The following RSU1 variants were observed in gnomAD, a reference collection of about 807,000 sequenced individuals.
RSU1 encodes rsu-1.
RSU1 carries 26 observed loss-of-function variants against 31.1 expected under a neutral mutation model. The observed-to-expected ratio is 0.84, with a 90% confidence interval of 0.61 to 1.16. The LOEUF is 1.16. RSU1 is among the 50% of genes most tolerant of loss of function. RSU1 has a pLI of 0.00. For synonymous variants in RSU1, 164 were observed against 136.3 expected, an observed-to-expected ratio of 1.20 and a Z score of -1.41; for missense variants, 320 against 339.1, an observed-to-expected ratio of 0.94 and a Z score of 0.44.
At chr10:16,597,351 G>C (rs1390545236) in intron 8 of RSU1, among the ~76,000 whole-genome samples, 1 of 152,158 alleles carries the variant, frequency 6.6e-6, no homozygotes, top group Non-Finnish European at 1.5e-5. Context: ...TTTATATTCA[G>C]ATCCCACTGT....
At chr10:16,728,774 A>G (rs1665822112) in intron 7 of RSU1, among the ~76,000 whole-genome samples, 1 of 152,200 alleles carries the variant, frequency 6.6e-6, no homozygotes, top group South Asian at 2.1e-4. Context: ...GGAGAATGCA[A>G]TGTGATGACG....
At chr10:16,788,760 C>T (rs1313085102) in intron 2 of RSU1, among the ~76,000 whole-genome samples, 2 of 152,214 alleles carry the variant, frequency 1.3e-5, no homozygotes, top group Admixed American at 6.5e-5. Context: ...TCCTTCAGGA[C>T]ACTTCCAAGA....
Position 16,645,915 on chromosome 10 carries a change from T to C in RSU1, c.731+49108A>G, listed in dbSNP as rs372694752. Among the ~76,000 whole-genome samples the C allele has an allele frequency of 8.7e-5, 3 of 34,626 alleles. 1 individual carries two copies. The South Asian group carries it at 3.4e-3, about 39-fold the overall frequency. The allele number at this position is 34,626 out of a possible 152,430, so 22.7% of individuals were successfully genotyped here. Reference sequence around the variant, plus strand: ...ATATGTATATACACATATATGTATATATATGTGTATATACACATATGTGTA... The same window carrying C: ...ATATGTATATACACATATATGTATACATATGTGTATATACACATATGTGTA... On this transcript the variant is annotated intron_variant, in intron 8 of 8. Coordinates refer to ENST00000345264, the MANE Select transcript of RSU1 (RefSeq NM_012425.4).
intron 8 of RSU1, among the ~76,000 whole-genome samples, chr10:16,660,194 T>TAC (rs1834862097): frequency 6.6e-6 from 1 of 152,190 alleles, no homozygotes; most frequent in Non-Finnish European, 1.5e-5. Flanking sequence ...TACAGACCAT[T>TAC]TTAAAAGGCT....
intron 8 of RSU1, among the ~76,000 whole-genome samples, chr10:16,659,277 C>A (rs1031325623): frequency 6.7e-6 from 1 of 149,568 alleles, no homozygotes; most frequent in Admixed American, 6.6e-5. Context: ...GGTAAGAAAC[C>A]CTTCTCTACT....
At chr10:16,668,595 A>G (rs556379765) in intron 8 of RSU1, among the ~76,000 whole-genome samples, 1 of 152,284 alleles carries the variant, frequency 6.6e-6, no homozygotes, top group African/African-American at 2.4e-5. Flanking sequence ...GATTTAATTG[A>G]ACATGGTTTT....
intron 4 of RSU1, among the ~76,000 whole-genome samples, chr10:16,758,438 A>G (rs1043278391): frequency 3.9e-5 from 6 of 152,206 alleles, no homozygotes; most frequent in African/African-American, 1.4e-4. Flanking sequence ...TGACACTGCT[A>G]GCAATCAAGG....
intron 8 of RSU1, among the ~76,000 whole-genome samples, chr10:16,670,467 G>A (rs552052344): frequency 6.6e-6 from 1 of 152,272 alleles, no homozygotes; most frequent in South Asian, 2.1e-4. Flanking sequence ...AGAATATTCT[G>A]TTGCTGCAGT....
intron 8 of RSU1, among the ~76,000 whole-genome samples, chr10:16,634,089 C>A (rs114528798): frequency 6.6e-6 from 1 of 152,166 alleles, no homozygotes; most frequent in Non-Finnish European, 1.5e-5. Context: ...CAGTCTTTGG[C>A]GAAGTACACC....
chr10:16,631,187 T>C (rs1174555320), intron 8 of RSU1, among the ~76,000 whole-genome samples: 1 of 152,172 alleles, frequency 6.6e-6, no homozygotes, highest in African/African-American at 2.4e-5. Flanking sequence ...CAGAGAAAAC[T>C]GTCACGTTCC....
chr10:16,622,782 C>T (rs1353355361), intron 8 of RSU1, among the ~76,000 whole-genome samples: 2 of 152,186 alleles, frequency 1.3e-5, no homozygotes, highest in Non-Finnish European at 2.9e-5. Flanking sequence ...AAAATAAATG[C>T]TACTCATGAA....
At chr10:16,593,878 C>T (rs45491101) in intron 8 of RSU1, among the ~76,000 whole-genome samples, 5,995 of 152,222 alleles carry the variant, frequency 0.039, 176 homozygotes, top group Non-Finnish European at 0.058. Flanking sequence ...ATGCTTGGCC[C>T]GAAAGCCCAG....
At chr10:16,710,831 G>T (rs930214853) in intron 7 of RSU1, among the ~76,000 whole-genome samples, 1 of 151,904 alleles carries the variant, frequency 6.6e-6, no homozygotes, top group African/African-American at 2.4e-5. Flanking sequence ...CCTACCCGCC[G>T]ACAGGTCCCA....
intron 8 of RSU1, among the ~76,000 whole-genome samples, chr10:16,630,230 AT>A (rs1834226136): frequency 6.6e-6 from 1 of 152,142 alleles, no homozygotes; most frequent in Non-Finnish European, 1.5e-5. Context: ...TTTATTAAAG[AT>A]TACTCTAGAA....
At chr10:16,721,523 C>T (rs1836261954) in intron 7 of RSU1, 1 of 152,242 alleles carries the variant, frequency 6.6e-6, no homozygotes, top group Non-Finnish European at 1.5e-5. Context: ...CAAACACAGG[C>T]TTCCTGGCAT....
intron 3 of RSU1, among the ~76,000 whole-genome samples, chr10:16,778,018 CTTTTT>C (rs10685188): frequency 2.5e-5 from 3 of 117,652 alleles, no homozygotes; most frequent in East Asian, 2.7e-4. Context: ...GGTCATATAC[CTTTTT>C]TTTTTTTTTT....
At chr10:16,718,532 C>T (rs1035183759) in intron 7 of RSU1, among the ~76,000 whole-genome samples, 3 of 152,154 alleles carry the variant, frequency 2.0e-5, no homozygotes, top group African/African-American at 7.2e-5. Context: ...GTCCTCTAAT[C>T]TAATGGAGAG....
intron 8 of RSU1, among the ~76,000 whole-genome samples, chr10:16,685,177 G>C (rs562354068): frequency 1.3e-5 from 2 of 152,302 alleles, no homozygotes; most frequent in East Asian, 3.9e-4. Flanking sequence ...TTGAACCTGG[G>C]AGGCAAAGGT....
At position 16,709,746 on chromosome 10, in the gene RSU1, G is replaced by A. The variant is rs530764885; in HGVS notation, c.599-14591C>T. 4.1e-4 allele frequency among the ~76,000 whole-genome samples: 62 copies of A among 152,286 alleles called. No individual in the cohort carries two copies. The East Asian group carries it at 0.011, about 27-fold the overall frequency. Reference sequence around the variant, plus strand: ...TTGATTTGCATTTCTCTGATGGCCAGTGATGATGAGCATTTTTTCATGTGT... The same window carrying A: ...TTGATTTGCATTTCTCTGATGGCCAATGATGATGAGCATTTTTTCATGTGT... On this transcript the variant is annotated intron_variant, in intron 7 of 8. Coordinates refer to ENST00000345264, the MANE Select transcript of RSU1 (RefSeq NM_012425.4).
Sources: gnomAD v4.1 joint callset for allele counts (sites outside exome capture counted in the v4.1 genomes callset) on GRCh38, gnomAD v4.1.1 for gene constraint, MANE v1.5 for transcripts, NCBI Gene and HGNC (gene_info 2026-07-23, HGNC 2026-07-21) for gene names.